The following ADGRF4 variants were observed in gnomAD, a reference collection of about 807,000 sequenced individuals.
The protein encoded by ADGRF4 is adhesion G protein-coupled receptor F4, also known as G-protein coupled receptor PGR18.
A neutral mutation model predicts 58.5 loss-of-function variants in ADGRF4; 63 were observed. The ratio of observed to expected loss-of-function variants is 1.08; its 90% CI spans 0.88 to 1.33. The LOEUF is 1.33. Among genes scored for constraint, ADGRF4 ranks in the 40% most tolerant of loss-of-function variants. The pLI is 0.00. For missense variants in ADGRF4, 931 were observed against 843.9 expected (o/e 1.10, Z -1.28); for synonymous variants, 313 against 295.4 (o/e 1.06, Z -0.61).
chr6:47,716,826 TG>T lies in ADGRF4; in HGVS notation c.1955del (p.Gly652GlufsTer8). On this transcript the variant is annotated frameshift_variant, in exon 7 of 10. Transcript: ENST00000283303. LOFTEE classifies it high-confidence loss of function. ...AFQGFFILLFGTIMDHKIRDA... is the reference protein window; with the variant it reads ...AFQGFFILLFXTIMDHKIRDA... ...CACAGGGTTTTTTCATCCTGCTGTT[TG>T]GAACCATTATGGATCACAAGGTAAT... 6.2e-7 allele frequency: 1 copy of T among 1,602,796 alleles called. No individual in the cohort carries two copies. Among genetic ancestry groups the T allele is most frequent in the Non-Finnish European group, 8.5e-7 (1 of 1,174,846 alleles).
intron 3 of ADGRF4, among the ~76,000 whole-genome samples, chr6:47,710,353 C>T (rs1771831295): frequency 6.6e-6 from 1 of 152,152 alleles, no homozygotes; most frequent in Non-Finnish European, 1.5e-5. Flanking sequence ...CCTGCTCTAT[C>T]TTATCATCAA....
intron 1 of ADGRF4, among the ~76,000 whole-genome samples, chr6:47,701,882 G>C (rs867454366): frequency 4.6e-5 from 7 of 152,276 alleles, no homozygotes; most frequent in Middle Eastern, 6.8e-3. Flanking sequence ...TGCCCAGGCT[G>C]GAGTGCAATG....
At position 47,718,388 on chromosome 6, in the gene ADGRF4, G is replaced by A. The variant is rs1252088613; in HGVS notation, c.2035-1G>A. Reference sequence around the variant, plus strand: ...ACTACTGTTATTTTTCCCCCACTTAGAATGCATCACTAGGCCCAACCAATG... The same window carrying A: ...ACTACTGTTATTTTTCCCCCACTTAAAATGCATCACTAGGCCCAACCAATG... On this transcript the variant is annotated splice_acceptor_variant, in intron 8 of 9. Coordinates refer to ENST00000283303, the MANE Select transcript of ADGRF4 (RefSeq NM_153838.5). LOFTEE classifies it high-confidence loss of function. 6.5e-7 allele frequency: 1 copy of A among 1,526,866 alleles called. No homozygotes were observed. The allele number at this position is 1,526,866 out of a possible 1,614,324, so 94.6% of individuals were successfully genotyped here. A position where few individuals can be genotyped will look rare whatever the true frequency, so the allele number is the denominator to read the frequency against.
intron 3 of ADGRF4, among the ~76,000 whole-genome samples, chr6:47,710,170 C>G (rs1771827056): frequency 1.3e-5 from 2 of 152,002 alleles, no homozygotes; most frequent in African/African-American, 4.8e-5. Context: ...CTTATATTAC[C>G]CTAGGAGCAA....
Position 47,714,301 on chromosome 6 carries a change from G to A in ADGRF4, c.1056G>A (p.Trp352Ter). 1 of 1,614,182 alleles carries A rather than the reference G, an allele frequency of 6.2e-7. No individual in the cohort carries two copies. ...TRNARAQCVG[W>*]HSKKRRWDEK... ...ATGCCAGAGCCCAGTGTGTTGGCTG[G>A]CACTCCAAGAAAAGGAGATGGGATG... The change falls in exon 6 of 10, where the codon TGG (tryptophan) becomes TGA (stop). Residue 352 changes from tryptophan to a stop codon, truncating the protein, a stop_gained. Coordinates refer to ENST00000283303, the MANE Select transcript of ADGRF4 (RefSeq NM_153838.5). LOFTEE classifies it high-confidence loss of function.
chr6:47,701,845 T>C (rs1440215252), intron 1 of ADGRF4, among the ~76,000 whole-genome samples: 1 of 152,254 alleles, frequency 6.6e-6, no homozygotes, highest in Non-Finnish European at 1.5e-5. Context: ...TTTATTTTTA[T>C]TTCTTGAGAC....
chr6:47,710,016 A>G (rs906648773), intron 3 of ADGRF4, among the ~76,000 whole-genome samples: 3 of 152,202 alleles, frequency 2.0e-5, no homozygotes, highest in African/African-American at 7.2e-5. Flanking sequence ...TATGAGTTAT[A>G]GTGCTATTGC....
rs1250779824 is a variant in ADGRF4 at position 47,714,095 on chromosome 6, T to G, written c.850T>G (p.Trp284Gly). Residue 284 changes from tryptophan to glycine, a missense_variant, in exon 6 of 10, where the codon TGG (tryptophan) becomes GGG (glycine). Physicochemically the swap from Trp to Gly is radical, Grantham distance 184. Transcript: ENST00000283303. ...QIPRQELRKL[W>G]PNASQAISIA... is the part of the protein sequence containing the mutation. ...TCCCAGGCAAGAGCTAAGGAAGCTG[T>G]GGCCAAATGCATCCCAAGCCATTAG... 5.6e-6 allele frequency: 9 copies of G among 1,613,964 alleles called. No homozygotes were observed. Among genetic ancestry groups the G allele is most frequent in the Non-Finnish European group, 7.6e-6 (9 of 1,180,030 alleles).
rs1377385797 is a variant in ADGRF4 at position 47,714,125 on chromosome 6, G to C, written c.880G>C (p.Ala294Pro). The change falls in exon 6 of 10, where the codon GCT (alanine) becomes CCT (proline). Residue 294 changes from alanine (A) to proline (P), a missense_variant. By Grantham distance (27) the Ala-to-Pro change is conservative (BLOSUM62 -1). Coordinates refer to ENST00000283303, the MANE Select transcript of ADGRF4 (RefSeq NM_153838.5). ...AAATGCATCCCAAGCCATTAGCATA[G>C]CTTTCCCAACCTTGGGGGCTATCCT... ...WPNASQAISIAFPTLGAILRE... is the reference protein window; with the variant it reads ...WPNASQAISIPFPTLGAILRE... 1 of 1,613,922 alleles carries C rather than the reference G, an allele frequency of 6.2e-7. No homozygotes were observed. The highest frequency in any genetic ancestry group is 1.1e-5 in the South Asian group (1 of 91,062).
In ADGRF4 at chr6:47,719,666, G is replaced by T. The variant is rs115712198; in HGVS notation, c.*3+1221G>T. ...GGTGGAGGGGGCCCTGCCTTTGGGGGATACTGTGTCCAGCCTTTCAAGAGA... is the reference window on the plus strand; with the variant it reads ...GGTGGAGGGGGCCCTGCCTTTGGGGTATACTGTGTCCAGCCTTTCAAGAGA... On this transcript the variant is annotated intron_variant, in intron 9 of 9. Transcript: ENST00000283303. Among the ~76,000 whole-genome samples, 746 of 152,220 alleles carry T rather than the reference G, an allele frequency of 4.9e-3. 3 individuals carry two copies. Among genetic ancestry groups the T allele is most frequent in the African/African-American group, 0.014 (573 of 41,530 alleles).
chr6:47,718,298 A>G lies in ADGRF4; in HGVS notation c.2035-91A>G, dbSNP rs1042461151. 22 of 782,994 alleles carry G rather than the reference A, an allele frequency of 2.8e-5. No individual in the cohort carries two copies. In the African/African-American group the frequency reaches 3.2e-4, roughly 11 times the overall value. The allele number at this position is 782,994 out of a possible 1,614,324, so 48.5% of individuals were successfully genotyped here. ...TCAGTGTGGGTACTCCTTTTCATGT[A>G]TTCATTTTCACATATTTATCTCTAG... is the stretch of plus-strand genomic sequence containing the variant. On this transcript the variant is annotated intron_variant, in intron 8 of 9. Coordinates refer to ENST00000283303, the MANE Select transcript of ADGRF4 (RefSeq NM_153838.5).
In ADGRF4 at chr6:47,715,189, G is replaced by A. The variant is rs1356716209; in HGVS notation, c.1932+12G>A. ...TCAATGCTTTCCAGGTAAGTTCCAA[G>A]AGGGAGACTTTTCTGTGTTACTCCG... On this transcript the variant is annotated intron_variant, in intron 6 of 9. Transcript: ENST00000283303. 6.5e-7 allele frequency: 1 copy of A among 1,550,002 alleles called. No homozygotes were observed. The highest frequency in any genetic ancestry group is 8.8e-7 in the Non-Finnish European group (1 of 1,142,030).
intron 3 of ADGRF4, among the ~76,000 whole-genome samples, chr6:47,708,534 A>G (rs1417538092): frequency 6.6e-6 from 1 of 152,246 alleles, no homozygotes; most frequent in Non-Finnish European, 1.5e-5. Context: ...CAAATCCCAA[A>G]GAGAAATCTG....
chr6:47,701,923 T>G (rs1771597095), intron 1 of ADGRF4, among the ~76,000 whole-genome samples: 1 of 152,206 alleles, frequency 6.6e-6, no homozygotes, highest in Admixed American at 6.5e-5. Flanking sequence ...AACCTCTGCC[T>G]CCCAGGTTCA....
intron 1 of ADGRF4, among the ~76,000 whole-genome samples, chr6:47,705,722 C>T (rs1561864906): frequency 1.3e-5 from 2 of 152,176 alleles, no homozygotes; most frequent in Non-Finnish European, 2.9e-5. Context: ...TCAGTGAGCT[C>T]TGTCGGCTCC....
chr6:47,711,433 T>A (rs930213955), intron 4 of ADGRF4, among the ~76,000 whole-genome samples: 4 of 152,192 alleles, frequency 2.6e-5, no homozygotes, highest in African/African-American at 9.6e-5. Flanking sequence ...CAGCTAATTT[T>A]TGTATTTTTA....
rs189660180 is a variant in ADGRF4, at chr6:47,707,770, T to C, written c.93+432T>C. Among the ~76,000 whole-genome samples the C allele has an allele frequency of 6.6e-3, 1,002 of 152,350 alleles. 9 individuals are homozygous for C. The highest frequency in any genetic ancestry group is 9.0e-3 in the Non-Finnish European group (613 of 68,036). On this transcript the variant is annotated intron_variant, in intron 2 of 9. Transcript: ENST00000283303. ...TATAGACATAAGAGATTTGTGATTC[T>C]ATTATTGCTACCTAGTGATTATTCC...
intron 5 of ADGRF4, among the ~76,000 whole-genome samples, chr6:47,713,118 A>C (rs1771911950): frequency 1.3e-5 from 2 of 152,180 alleles, no homozygotes; most frequent in African/African-American, 4.8e-5. Context: ...TCCTTAGGAA[A>C]ATCTAATGCC....
chr6:47,713,521 TG>T, intron 5 of ADGRF4, among the ~76,000 whole-genome samples: 1 of 152,130 alleles, frequency 6.6e-6, no homozygotes. Context: ...TAAAATCTCA[TG>T]GGAAACTTGG....
Sources: allele counts gnomAD v4.1 joint callset (sites outside exome capture counted in the v4.1 genomes callset), GRCh38; gene constraint gnomAD v4.1.1; transcripts MANE v1.5; gene names NCBI Gene and HGNC (gene_info 2026-07-23, HGNC 2026-07-21).